ACOX3: variants seen among roughly 807,000 people sequenced by gnomAD.
ACOX3 encodes acyl-CoA oxidase 3, pristanoyl, also known as peroxisomal acyl-coenzyme A oxidase 3.
A neutral mutation model predicts 81.5 loss-of-function variants in ACOX3; 73 were observed. That is an observed-to-expected ratio of 0.90 (90% CI 0.74 to 1.09). ACOX3 has a LOEUF of 1.09. Ranked by LOEUF, ACOX3 falls within the 50% of genes least tolerant of loss-of-function variation. The pLI, the probability that ACOX3 is intolerant of heterozygous loss-of-function variation, is 0.00. For synonymous variants in ACOX3, 387 were observed against 375.1 expected (o/e 1.03, Z -0.37); for missense variants, 947 against 928.0 (o/e 1.02, Z -0.27).
intron 14 of ACOX3, among the ~76,000 whole-genome samples, chr4:8,378,595 CG>C (rs1232429377): frequency 6.6e-6 from 1 of 151,560 alleles, no homozygotes; most frequent in East Asian, 1.9e-4. Context: ...AGGCAGGCTG[CG>C]GGGACGCCAT....
At chr4:8,362,100 G>T (rs1715242582), downstream of ACOX3, among the ~76,000 whole-genome samples, 1 of 152,228 alleles carries the variant, frequency 6.6e-6, no homozygotes, top group South Asian at 2.1e-4. Context: ...TTTTTAGAAG[G>T]TGGTTTATAA....
Position 8,384,836 on chromosome 4 carries a change from G to A in ACOX3, c.1538-3229C>T, listed in dbSNP as rs1393388655. 3.9e-5 allele frequency among the ~76,000 whole-genome samples: 6 copies of A among 152,248 alleles called. No homozygotes were observed. Among genetic ancestry groups the A allele is most frequent in the African/African-American group, 7.2e-5 (3 of 41,552 alleles). ...AACTCCTCAGCCAGATCACAGGCCC[G>A]GGTCTGACCATGCCCGCCGCTCTGG... is the stretch of plus-strand genomic sequence containing the variant. On this transcript the variant is annotated intron_variant, in intron 13 of 17. Coordinates refer to ENST00000356406, the MANE Select transcript of ACOX3 (RefSeq NM_003501.3). This position sits in a 1 kb window ranked among gnomAD's most constrained non-coding sequence, Gnocchi z 5.3.
rs760922824 is a variant in ACOX3 at position 8,406,049 on chromosome 4, C to G, written c.688-6G>C. On this transcript the variant is annotated splice_polypyrimidine_tract_variant and splice_region_variant and intron_variant, in intron 6 of 17. Transcript: ENST00000356406. The surrounding 1 kb of genome is among the most constrained non-coding windows in gnomAD (Gnocchi z 5.6). ...AGGGTCTTCGGGTCCCGGATCTATA[C>G]AAAGCCACAGAAAGCAGCAAACAGC... 6.2e-7 allele frequency: 1 copy of G among 1,613,568 alleles called. No homozygotes were observed. Among genetic ancestry groups the G allele is most frequent in the Non-Finnish European group, 8.5e-7 (1 of 1,179,734 alleles).
In ACOX3 at chr4:8,399,359, C is replaced by T. The variant is rs958033826; in HGVS notation, c.873+197G>A. On this transcript the variant is annotated intron_variant, in intron 8 of 17. Transcript: ENST00000356406. The surrounding 1 kb of genome is among the most constrained non-coding windows in gnomAD (Gnocchi z 4.9). Reference sequence around the variant, plus strand: ...CCCGGACTCACCCCCTGGACACCAGCACCTGGTGCTGTGGCTGCCCCAAGA... The same window carrying T: ...CCCGGACTCACCCCCTGGACACCAGTACCTGGTGCTGTGGCTGCCCCAAGA... Among the ~76,000 whole-genome samples, 2 of 152,230 alleles carry T rather than the reference C, an allele frequency of 1.3e-5. No individual in the cohort carries two copies. Among genetic ancestry groups the T allele is most frequent in the Non-Finnish European group, 2.9e-5 (2 of 68,024 alleles).
Position 8,431,275 on chromosome 4 carries a change from A to G in ACOX3, c.-15+9373T>C, listed in dbSNP as rs976389740. 1.3e-5 allele frequency among the ~76,000 whole-genome samples: 2 copies of G among 151,728 alleles called. No individual in the cohort carries two copies. Among genetic ancestry groups the G allele is most frequent in the Non-Finnish European group, 2.9e-5 (2 of 67,962 alleles). ...TAGCAAGTTTTGGCCCCCTGACTTC[A>G]CTCTCTCCATTTAGTTTCCCAGATT... is the stretch of plus-strand genomic sequence containing the variant. On this transcript the variant is annotated intron_variant, in intron 1 of 17. Transcript: ENST00000356406. The surrounding 1 kb of genome is among the most constrained non-coding windows in gnomAD (Gnocchi z 5.3).
In ACOX3 at chr4:8,423,572, G is replaced by C. The variant is rs1355492196; in HGVS notation, c.-14-7037C>G. On this transcript the variant is annotated intron_variant, in intron 1 of 17. Transcript: ENST00000356406. This position sits in a 1 kb window ranked among gnomAD's most constrained non-coding sequence, Gnocchi z 4.2. The stretch of plus-strand genomic sequence containing the variant: ...AGCCCCTGCAATACTCCAATTTTAG[G>C]AGTACAGAAACCCAATGGACAGTGG... Among the ~76,000 whole-genome samples, 2 of 152,082 alleles carry C rather than the reference G, an allele frequency of 1.3e-5. No individual in the cohort carries two copies. Among genetic ancestry groups the C allele is most frequent in the Middle Eastern group, 3.2e-3 (1 of 316 alleles).
chr4:8,393,644 C>T lies in ACOX3; in HGVS notation c.1179+976G>A, dbSNP rs569814144. Among the ~76,000 whole-genome samples, 4 of 125,746 alleles carry T rather than the reference C, an allele frequency of 3.2e-5. No homozygotes were observed. In the East Asian group the frequency reaches 7.8e-4, roughly 24 times the overall value. 82.5% of individuals were successfully genotyped at this position (125,746 alleles called of 152,430 possible). On this transcript the variant is annotated intron_variant, in intron 10 of 17. Coordinates refer to ENST00000356406, the MANE Select transcript of ACOX3 (RefSeq NM_003501.3). ...ACACACACACACACACACGCACACACACACACACACACACACGCATGCTAA... is the reference window on the plus strand; with the variant it reads ...ACACACACACACACACACGCACACATACACACACACACACACGCATGCTAA...
chr4:8,418,307 A>G (rs1382319292), intron 1 of ACOX3, among the ~76,000 whole-genome samples: 1 of 152,160 alleles, frequency 6.6e-6, no homozygotes, highest in Non-Finnish European at 1.5e-5. Flanking sequence ...AAAAAAGATT[A>G]TATGTGCCAG....
rs571619745 is a variant in ACOX3, at chr4:8,366,630, T to G, written c.*331A>C. 2.7e-5 allele frequency: 5 copies of G among 188,080 alleles called. No homozygotes were observed. The South Asian group carries it at 6.1e-4, about 23-fold the overall frequency. The allele number at this position is 188,080 out of a possible 1,614,324, so 11.7% of individuals were successfully genotyped here. On this transcript the variant is annotated 3_prime_UTR_variant, in exon 18 of 18. Transcript: ENST00000356406. ...TGTCTGACCAGAAGATCCCTGACAA[T>G]GGGCTGTTTACTTTAGAGAAAGGAG...
Position 8,406,016 on chromosome 4 carries a change from T to C in ACOX3, c.715A>G (p.Met239Val). ...QIRDPKTLLP[M>V]PGVMVGDIGK... ...ATGTCGCCAACCATCACTCCAGGCA[T>C]GGGAAGAAGGGTCTTCGGGTCCCGG... The change falls in exon 7 of 18, where the codon ATG becomes GTG. Residue 239 changes from methionine to valine, a missense_variant. Coordinates refer to ENST00000356406, the MANE Select transcript of ACOX3 (RefSeq NM_003501.3). This position sits in a 1 kb window ranked among gnomAD's most constrained non-coding sequence, Gnocchi z 5.6. The C allele has an allele frequency of 2.5e-6, 4 of 1,614,086 alleles. No individual in the cohort carries two copies. Among genetic ancestry groups the C allele is most frequent in the Non-Finnish European group, 2.5e-6 (3 of 1,180,022 alleles).
chr4:8,389,512 A>G lies in ACOX3; in HGVS notation c.1423+100T>C, dbSNP rs1578897052. On this transcript the variant is annotated intron_variant, in intron 12 of 17. Transcript: ENST00000356406. This position sits in a 1 kb window ranked among gnomAD's most constrained non-coding sequence, Gnocchi z 5.3. ...AACATTTCTTTCCTTCTGCAAACCT[A>G]GGATGCATTCACAGAACAGCTGAAT... is the stretch of plus-strand genomic sequence containing the variant. The G allele has an allele frequency of 6.4e-7, 1 of 1,558,638 alleles. No individual in the cohort carries two copies. The highest frequency in any genetic ancestry group is 2.3e-5 in the East Asian group (1 of 44,402).
chr4:8,419,192 T>C lies in ACOX3; in HGVS notation c.-14-2657A>G, dbSNP rs561810019. On this transcript the variant is annotated intron_variant, in intron 1 of 17. Transcript: ENST00000356406. The surrounding 1 kb of genome is among the most constrained non-coding windows in gnomAD (Gnocchi z 4.2). ...GGCTCATGCCTGTAATCCCAGCACT[T>C]TGGGAGGCCCAGACAGGTGGATCAT... Among the ~76,000 whole-genome samples, 145 of 152,104 alleles carry C rather than the reference T, an allele frequency of 9.5e-4. 1 individual carries two copies. In the South Asian group the frequency reaches 0.017, roughly 18 times the overall value.
Position 8,407,804 on chromosome 4 carries a change from C to T in ACOX3, c.688-1761G>A, listed in dbSNP as rs367915618. Among the ~76,000 whole-genome samples the T allele has an allele frequency of 3.9e-5, 6 of 152,222 alleles. No homozygotes were observed. The highest frequency in any genetic ancestry group is 2.1e-4 in the South Asian group (1 of 4,836). The stretch of plus-strand genomic sequence containing the variant: ...GCACTGTGGGAACTCGACGGAAGGA[C>T]GTGGAGCTTCATCCTTGGGCACTGT... On this transcript the variant is annotated intron_variant, in intron 6 of 17. Coordinates refer to ENST00000356406, the MANE Select transcript of ACOX3 (RefSeq NM_003501.3). The surrounding 1 kb of genome is among the most constrained non-coding windows in gnomAD (Gnocchi z 4.6).
At chr4:8,434,676 T>TC (rs1675336484) in intron 1 of ACOX3, among the ~76,000 whole-genome samples, 2 of 152,264 alleles carry the variant, frequency 1.3e-5, no homozygotes, top group South Asian at 4.1e-4. Flanking sequence ...ACTTGCACAC[T>TC]CCATTTGAGT....
intron 6 of ACOX3, 143 bp downstream of exon 6, chr4:8,410,069 G>A: frequency 9.2e-7 from 1 of 1,092,216 alleles, no homozygotes; most frequent in East Asian, 2.7e-5. Flanking sequence ...GGGATGCACT[G>A]GGGTCCTGGG....
chr4:8,378,882 C>T lies in ACOX3; in HGVS notation c.1653+2610G>A, dbSNP rs190426198. 2.6e-4 allele frequency among the ~76,000 whole-genome samples: 39 copies of T among 152,220 alleles called. No homozygotes were observed. The East Asian group carries it at 5.0e-3, about 20-fold the overall frequency. ...TAACAAAAATGGTCAGTAACCTTCC[C>T]AAAGGACACAGCCATCACCCTCTCC... On this transcript the variant is annotated intron_variant, in intron 14 of 17. Coordinates refer to ENST00000356406, the MANE Select transcript of ACOX3 (RefSeq NM_003501.3).
intron 1 of ACOX3, among the ~76,000 whole-genome samples, chr4:8,426,153 C>T (rs979252659): frequency 6.6e-6 from 1 of 152,234 alleles, no homozygotes; most frequent in Non-Finnish European, 1.5e-5. Flanking sequence ...GCAGACATCA[C>T]CTCCTTAGCC....
intron 1 of ACOX3, among the ~76,000 whole-genome samples, chr4:8,417,774 G>T (rs1005559894): frequency 9.2e-5 from 14 of 152,200 alleles, no homozygotes; most frequent in Non-Finnish European, 1.3e-4. Flanking sequence ...TTGGTTCCTT[G>T]CAAAGACTGA....
rs6852348 is a variant in ACOX3 at position 8,394,849 on chromosome 4, A to T, written c.1057-107T>A. 0.073 allele frequency: 102,940 copies of T among 1,417,160 alleles called. 5,084 individuals carry two copies. Among genetic ancestry groups the T allele is most frequent in the African/African-American group, 0.24 (16,523 of 69,696 alleles). 87.8% of individuals were successfully genotyped at this position (1,417,160 alleles called of 1,614,324 possible). On this transcript the variant is annotated intron_variant, in intron 9 of 17. Transcript: ENST00000356406. This position sits in a 1 kb window ranked among gnomAD's most constrained non-coding sequence, Gnocchi z 5.9. Reference sequence around the variant, plus strand: ...CAGGGAGAGGCCGTCAGGGCCACACACCCACTAGCGCTGAAGGTCTTCACA... The same window carrying T: ...CAGGGAGAGGCCGTCAGGGCCACACTCCCACTAGCGCTGAAGGTCTTCACA...
Sources: gnomAD v4.1 joint callset for allele counts (sites outside exome capture counted in the v4.1 genomes callset) on GRCh38, gnomAD v4.1.1 for gene constraint, Gnocchi (gnomAD v3.1) non-coding constraint, MANE v1.5 for transcripts, NCBI Gene and HGNC (gene_info 2026-07-23, HGNC 2026-07-21) for gene names.